NCKAP1: variants seen among roughly 807,000 people sequenced by gnomAD.
NCKAP1 encodes the protein NCK associated protein 1, also known as nck-associated protein 1.
In NCKAP1, 21 loss-of-function variants were observed where a neutral mutation model predicts 151.2. That is an observed-to-expected ratio of 0.14 (90% confidence interval 0.10 to 0.20). NCKAP1 has a LOEUF of 0.20. Among genes scored for constraint, NCKAP1 ranks in the 10% least tolerant of loss-of-function variants. NCKAP1 has a pLI of 1.00. For missense variants in NCKAP1, 933 were observed against 1,352.1 expected, an observed-to-expected ratio of 0.69 and a Z score of 4.86; for synonymous variants, 484 against 451.8, an observed-to-expected ratio of 1.07 and a Z score of -0.90.
At chr2:183,020,028 T>C (rs1698765272) in intron 2 of NCKAP1, among the ~76,000 whole-genome samples, 1 of 151,830 alleles carries the variant, frequency 6.6e-6, no homozygotes, top group African/African-American at 2.4e-5. Flanking sequence ...TCTAAAGGGA[T>C]TAAAAAGTAT....
intron 6 of NCKAP1, 49 bp downstream of exon 6, chr2:183,001,904 T>C: frequency 1.3e-6 from 2 of 1,483,356 alleles, no homozygotes; most frequent in South Asian, 1.1e-5. Flanking sequence ...TCCATCCTCA[T>C]GCTATGTTAT....
At chr2:182,927,733 G>C (rs1049843671) in intron 29 of NCKAP1, among the ~76,000 whole-genome samples, 2 of 151,800 alleles carry the variant, frequency 1.3e-5, no homozygotes, top group African/African-American at 4.8e-5. Context: ...TTCTCTCTTG[G>C]CCTCAATTTT....
intron 1 of NCKAP1, chr2:183,025,038 A>G: frequency 7.6e-6 from 12 of 1,588,568 alleles, no homozygotes; most frequent in Non-Finnish European, 1.0e-5. Flanking sequence ...TTACGTGTAA[A>G]CAATGATTGT....
intron 1 of NCKAP1, among the ~76,000 whole-genome samples, chr2:183,024,559 C>G (rs1030118496): frequency 6.6e-6 from 1 of 152,068 alleles, no homozygotes; most frequent in Non-Finnish European, 1.5e-5. Flanking sequence ...ACGTTTTGAC[C>G]GTATCAGCAG....
At chr2:182,941,649 C>T (rs1490918644) in intron 24 of NCKAP1, among the ~76,000 whole-genome samples, 7 of 152,136 alleles carry the variant, frequency 4.6e-5, no homozygotes, top group Non-Finnish European at 7.4e-5. Flanking sequence ...ATGAATGCAT[C>T]CATCTGTCAA....
chr2:182,981,369 C>A lies in NCKAP1; in HGVS notation c.1216G>T (p.Ala406Ser). 1 of 1,607,814 alleles carries A rather than the reference C, an allele frequency of 6.2e-7. No individual in the cohort carries two copies. Among genetic ancestry groups the A allele is most frequent in the South Asian group, 1.1e-5 (1 of 89,830 alleles). Residue 406 changes from alanine (A) to serine (S), a missense_variant, in exon 13 of 31, where the codon GCT becomes TCT. Physicochemically the swap from Ala to Ser is moderately conservative, Grantham distance 99 (BLOSUM62 1). Transcript: ENST00000361354. Reference protein sequence around the residue: ...SADDFIDKHIAELIFYMEELR... With the variant: ...SADDFIDKHISELIFYMEELR... Reference sequence around the variant, plus strand: ...TCTTCCATGTAAAATATTAATTCAGCAATGTGCCTTTTTTAAAATTTCAAG... The same window carrying A: ...TCTTCCATGTAAAATATTAATTCAGAAATGTGCCTTTTTTAAAATTTCAAG...
At chr2:183,034,596 G>A (rs1352872538) in intron 1 of NCKAP1, among the ~76,000 whole-genome samples, 1 of 152,228 alleles carries the variant, frequency 6.6e-6, no homozygotes, top group East Asian at 1.9e-4. Context: ...GTATTTGGCA[G>A]TTTTGTTGAA....
chr2:182,995,743 G>T lies in NCKAP1; in HGVS notation c.699C>A (p.Ile233=). 1 of 1,613,908 alleles carries T rather than the reference G, an allele frequency of 6.2e-7. No individual in the cohort carries two copies. The highest frequency in any genetic ancestry group is 8.5e-7 in the Non-Finnish European group (1 of 1,179,834). Residue 233 remains isoleucine, a synonymous_variant, in exon 7 of 31, where the codon ATC becomes ATA. Transcript: ENST00000361354. The part of the protein sequence containing the change: ...QWRNAQLLSL[I]SAPSTMLNPA... ...GATTAAGCATTGTACTAGGTGCACTGATGAGGCTCAATAACTGGGCATTTC... is the reference window on the plus strand; with the variant it reads ...GATTAAGCATTGTACTAGGTGCACTTATGAGGCTCAATAACTGGGCATTTC...
rs1412287570 is a variant in NCKAP1 at position 182,915,645 on chromosome 2, C to T, written c.*10057G>A. 6.6e-6 allele frequency: 1 copy of T among 152,166 alleles called. No homozygotes were observed. Among genetic ancestry groups the T allele is most frequent in the African/African-American group, 2.4e-5 (1 of 41,432 alleles). 9.4% of individuals were successfully genotyped at this position (152,166 alleles called of 1,614,324 possible). ...ATTTCAAGGCTTGCTAATCCTTGTG[C>T]ATGATGACATGAGATCATCAGACCA... On this transcript the variant is annotated 3_prime_UTR_variant, in exon 31 of 31. Coordinates refer to ENST00000361354, the MANE Select transcript of NCKAP1 (RefSeq NM_013436.5).
intron 23 of NCKAP1, among the ~76,000 whole-genome samples, chr2:182,950,630 A>T (rs1038780816): frequency 6.6e-6 from 1 of 152,212 alleles, no homozygotes; most frequent in Non-Finnish European, 1.5e-5. Context: ...CTTTTATACA[A>T]TAATTGCAGA....
chr2:183,024,616 G>T (rs1019080149), intron 1 of NCKAP1, among the ~76,000 whole-genome samples: 1 of 152,128 alleles, frequency 6.6e-6, no homozygotes, highest in Non-Finnish European at 1.5e-5. Context: ...CAAATGTAAG[G>T]TATTATTATT....
chr2:182,990,624 A>G (rs936841318), intron 8 of NCKAP1, among the ~76,000 whole-genome samples: 6 of 152,134 alleles, frequency 3.9e-5, no homozygotes, highest in Non-Finnish European at 5.9e-5. Flanking sequence ...ACATCTACTC[A>G]GTGTCTACTA....
intron 7 of NCKAP1, among the ~76,000 whole-genome samples, chr2:182,995,112 C>A (rs1423933648): frequency 6.6e-6 from 1 of 152,126 alleles, no homozygotes; most frequent in Non-Finnish European, 1.5e-5. Flanking sequence ...TACCCTCAAA[C>A]CTCTCTTTAA....
rs549942238 is a variant in NCKAP1 at position 182,931,355 on chromosome 2, A to C, written c.2860-567T>G. On this transcript the variant is annotated intron_variant, in intron 26 of 30. Transcript: ENST00000361354. ...CATTCTGACTGCTCAATAACCTCAG[A>C]AGAAAGCTATCTATATAACTGGTTA... Among the ~76,000 whole-genome samples the C allele has an allele frequency of 7.5e-4, 114 of 152,238 alleles. 5 individuals carry two copies. The South Asian group carries it at 0.023, about 31-fold the overall frequency.
At chr2:183,031,024 CT>C (rs945173767) in intron 1 of NCKAP1, among the ~76,000 whole-genome samples, 2 of 152,116 alleles carry the variant, frequency 1.3e-5, no homozygotes, top group African/African-American at 4.8e-5. Flanking sequence ...GATTAAGAGG[CT>C]TGATAACAAA....
intron 2 of NCKAP1, among the ~76,000 whole-genome samples, chr2:183,006,408 T>G (rs1280831206): frequency 6.6e-6 from 1 of 152,192 alleles, no homozygotes. Flanking sequence ...TAATAAAACT[T>G]TAATATTCCC....
chr2:182,953,328 T>A lies in NCKAP1; in HGVS notation c.2157A>T (p.Ser719=), dbSNP rs1474976560. 1.9e-6 allele frequency: 3 copies of A among 1,608,074 alleles called. No individual in the cohort carries two copies. The highest frequency in any genetic ancestry group is 2.6e-6 in the Non-Finnish European group (3 of 1,175,868). The part of the protein sequence containing the change: ...TSHLEIRFTK[S]IVGMTMYNQA... ...GATTATACATAGTCATCCCAACAAT[T>A]GACCTGGGAAGAAGGGATAGAAGAA... is the stretch of plus-strand genomic sequence containing the variant. The change falls in exon 21 of 31, where the codon TCA becomes TCT. Residue 719 remains serine, a synonymous_variant. Coordinates refer to ENST00000361354, the MANE Select transcript of NCKAP1 (RefSeq NM_013436.5).
intron 2 of NCKAP1, among the ~76,000 whole-genome samples, chr2:183,017,657 G>T (rs72888466): frequency 6.6e-6 from 1 of 152,224 alleles, no homozygotes; most frequent in Non-Finnish European, 1.5e-5. Context: ...GTGGCCTGGG[G>T]GTTGGGGACC....
At chr2:182,935,772 G>A (rs963436316) in intron 24 of NCKAP1, among the ~76,000 whole-genome samples, 1 of 152,120 alleles carries the variant, frequency 6.6e-6, no homozygotes, top group Non-Finnish European at 1.5e-5. Flanking sequence ...TGATCAGAGT[G>A]AACAGGAGTT....
Sources: allele counts gnomAD v4.1 joint callset (sites outside exome capture counted in the v4.1 genomes callset), GRCh38; gene constraint gnomAD v4.1.1; transcripts MANE v1.5; gene names NCBI Gene and HGNC (gene_info 2026-07-23, HGNC 2026-07-21).